RPS27: variants seen among roughly 807,000 people sequenced by gnomAD.
RPS27 encodes ribosomal protein S27, also known as small ribosomal subunit protein eS27.
In RPS27, 1 loss-of-function variant was observed where a neutral mutation model predicts 11.8. The observed-to-expected ratio is 0.08, with a 90% CI of 0.03 to 0.40. The LOEUF is 0.40. Among genes scored for constraint, RPS27 ranks in the 10% least tolerant of loss-of-function variants. RPS27 has a pLI of 0.98. For missense variants in RPS27, 44 were observed against 100.1 expected, an observed-to-expected ratio of 0.44 and a Z score of 2.39; for synonymous variants, 42 against 33.8, an observed-to-expected ratio of 1.24 and a Z score of -0.84.
chr1:153,991,056 T>C lies in RPS27; in HGVS notation c.7-59T>C, dbSNP rs1649367260. On this transcript the variant is annotated intron_variant, in intron 1 of 3. Transcript: ENST00000651669. ...CCCGGTGTGTGACAGTGGGGGCTAT[T>C]TTCGACCATCCCATTTTCGCTGTTG... 2.2e-5 allele frequency: 31 copies of C among 1,385,378 alleles called. 2 individuals carry two copies. In the South Asian group the frequency reaches 4.0e-4, roughly 18 times the overall value. 85.8% of individuals were successfully genotyped at this position (1,385,378 alleles called of 1,614,324 possible).
chr1:153,991,820 T>A, intron 3 of RPS27, 144 bp downstream of exon 3: 1 of 674,498 alleles, frequency 1.5e-6, no homozygotes, highest in Non-Finnish European at 2.6e-6. Context: ...TTGGTTGTTT[T>A]AACTAGATAC....
Position 153,991,377 on chromosome 1 carries a change from T to C in RPS27, c.115+154T>C, listed in dbSNP as rs997980053. On this transcript the variant is annotated intron_variant, in intron 2 of 3. Coordinates refer to ENST00000651669, the MANE Select transcript of RPS27 (RefSeq NM_001030.6). ...TTCCCTGATACTCTTAAAATTTGAA[T>C]GTATGAGACTGGCAAAGTTTTGCAT... is the stretch of plus-strand genomic sequence containing the variant. The C allele has an allele frequency of 1.1e-5, 17 of 1,502,086 alleles. No homozygotes were observed. The Middle Eastern group carries it at 9.3e-4, about 82-fold the overall frequency. The allele number at this position is 1,502,086 out of a possible 1,614,324, so 93.0% of individuals were successfully genotyped here. A position where few individuals can be genotyped will look rare whatever the true frequency, so the allele number is the denominator to read the frequency against.
chr1:153,991,793 G>C (rs1649425444), intron 3 of RPS27, 117 bp downstream of exon 3: 1 of 719,562 alleles, frequency 1.4e-6, no homozygotes, highest in African/African-American at 1.8e-5. Context: ...TAAATTTTTA[G>C]ACAAGAAGTG....
At position 153,990,779 on chromosome 1, in the gene RPS27, A is replaced by G. The variant is rs1649348677; in HGVS notation, c.-18A>G. On this transcript the variant is annotated 5_prime_UTR_variant, in exon 1 of 4. Coordinates refer to ENST00000651669, the MANE Select transcript of RPS27 (RefSeq NM_001030.6). Reference sequence around the variant, plus strand: ...CTTTCGCTCCTTTCCGGCGGTGACGACCTACGCACACGAGAACATGCCTGT... The same window carrying G: ...CTTTCGCTCCTTTCCGGCGGTGACGGCCTACGCACACGAGAACATGCCTGT... 2 of 1,614,144 alleles carry G rather than the reference A, an allele frequency of 1.2e-6. No individual in the cohort carries two copies. Among genetic ancestry groups the G allele is most frequent in the Non-Finnish European group, 1.7e-6 (2 of 1,180,018 alleles).
chr1:153,990,766 T>G lies in RPS27; in HGVS notation c.-31T>G. The G allele has an allele frequency of 6.2e-7, 1 of 1,614,206 alleles. No homozygotes were observed. The highest frequency in any genetic ancestry group is 8.5e-7 in the Non-Finnish European group (1 of 1,180,030). On this transcript the variant is annotated 5_prime_UTR_variant, in exon 1 of 4. Coordinates refer to ENST00000651669, the MANE Select transcript of RPS27 (RefSeq NM_001030.6). ...GGCAGGATTTCCGCTTTCGCTCCTT[T>G]CCGGCGGTGACGACCTACGCACACG...
At chr1:153,991,927 A>G (rs1649432806) in intron 3 of RPS27, 138 bp from the exon 4 acceptor site, 2 of 828,686 alleles carry the variant, frequency 2.4e-6, no homozygotes, top group Non-Finnish European at 4.1e-6. Context: ...AACCAGTGAT[A>G]CAAATGCGCA....
rs549729601 is a variant in RPS27 at position 153,991,059 on chromosome 1, C to A, written c.7-56C>A. 7.0e-5 allele frequency: 97 copies of A among 1,390,260 alleles called. No homozygotes were observed. In the African/African-American group the frequency reaches 1.4e-3, roughly 19 times the overall value. 86.1% of individuals were successfully genotyped at this position (1,390,260 alleles called of 1,614,324 possible). A position where few individuals can be genotyped will look rare whatever the true frequency, so the allele number is the denominator to read the frequency against. On this transcript the variant is annotated intron_variant, in intron 1 of 3. Transcript: ENST00000651669. ...GGTGTGTGACAGTGGGGGCTATTTT[C>A]GACCATCCCATTTTCGCTGTTGGTT... is the stretch of plus-strand genomic sequence containing the variant.
At chr1:153,990,990 C>A in intron 1 of RPS27, 125 bp from the exon 2 acceptor site, 1 of 1,169,984 alleles carries the variant, frequency 8.5e-7, no homozygotes, top group South Asian at 1.4e-5. Context: ...AGATGGCGGC[C>A]CAGCTGCGCA....
At chr1:153,991,036 T>C (rs1649366603) in intron 1 of RPS27, 79 bp from the exon 2 acceptor site, 1 of 1,237,670 alleles carries the variant, frequency 8.1e-7, no homozygotes, top group African/African-American at 1.5e-5. Context: ...CTCTCCCCGG[T>C]GTGTGACAGT....
Position 153,991,609 on chromosome 1 carries a change from A to G in RPS27, c.159A>G (p.Val53=), listed in dbSNP as rs1571135812. ...ITTVFSHAQT[V]VLCVGCSTVL... ...CGGTCTTTAGCCATGCACAAACGGT[A>G]GTTTTGTGTGTTGGCTGCTCCACTG... is the stretch of plus-strand genomic sequence containing the variant. The change falls in exon 3 of 4, where the codon GTA becomes GTG. Residue 53 remains valine, a synonymous_variant. Coordinates refer to ENST00000651669, the MANE Select transcript of RPS27 (RefSeq NM_001030.6). 6.2e-7 allele frequency: 1 copy of G among 1,613,306 alleles called. No individual in the cohort carries two copies. Among genetic ancestry groups the G allele is most frequent in the East Asian group, 2.2e-5 (1 of 44,874 alleles).
Position 153,990,813 on chromosome 1 carries a change from T to C in RPS27, c.6+11T>C. 1 of 1,614,206 alleles carries C rather than the reference T, an allele frequency of 6.2e-7. No homozygotes were observed. Among genetic ancestry groups the C allele is most frequent in the Non-Finnish European group, 8.5e-7 (1 of 1,180,044 alleles). ...CACGAGAACATGCCTGTGAGTGCTTTGGTCCAGGTTTCGGCGGAGATCTCG... is the reference window on the plus strand; with the variant it reads ...CACGAGAACATGCCTGTGAGTGCTTCGGTCCAGGTTTCGGCGGAGATCTCG... On this transcript the variant is annotated intron_variant, in intron 1 of 3. Coordinates refer to ENST00000651669, the MANE Select transcript of RPS27 (RefSeq NM_001030.6).
Position 153,990,974 on chromosome 1 carries a change from G to GAGATA in RPS27, c.7-136_7-132dup, listed in dbSNP as rs1649363595. ...CACCCGCATAGACGGGAGCGGAGAG[G>GAGATA]AGATAAGATGGCGGCCCAGCTGCGC... On this transcript the variant is annotated intron_variant, in intron 1 of 3. Coordinates refer to ENST00000651669, the MANE Select transcript of RPS27 (RefSeq NM_001030.6). 2.5e-6 allele frequency: 3 copies of GAGATA among 1,194,488 alleles called. No homozygotes were observed. In the Admixed American group the frequency reaches 6.2e-5, roughly 25 times the overall value. The allele number at this position is 1,194,488 out of a possible 1,614,324, so 74.0% of individuals were successfully genotyped here.
chr1:153,991,286 G>A (rs768594865), intron 2 of RPS27, 63 bp downstream of exon 2: 14 of 1,558,026 alleles, frequency 9.0e-6, no homozygotes, highest in Non-Finnish European at 1.2e-5. Context: ...AAATGTTGTA[G>A]TGTTAGCTGT....
chr1:153,990,888 C>G, intron 1 of RPS27, 86 bp downstream of exon 1: 1 of 1,529,840 alleles, frequency 6.5e-7, no homozygotes, highest in Non-Finnish European at 9.1e-7. Context: ...CGTAGAGGGT[C>G]CTCATTTACC....
intron 1 of RPS27, 154 bp from the exon 2 acceptor site, chr1:153,990,961 C>G (rs1419695519): frequency 1.6e-6 from 2 of 1,251,698 alleles, no homozygotes. Flanking sequence ...CCCGCATAGA[C>G]GGGAGCGGAG....
chr1:153,991,278 ATGT>A (rs758949865), intron 2 of RPS27, 55 bp downstream of exon 2: 27 of 1,562,488 alleles, frequency 1.7e-5, no homozygotes, highest in East Asian at 2.4e-5. Context: ...CAGTTGGAAA[ATGT>A]TGTAGTGTTA....
At chr1:153,992,034 G>T in intron 3 of RPS27, 31 bp from the exon 4 acceptor site, 1 of 1,608,782 alleles carries the variant, frequency 6.2e-7, no homozygotes, top group South Asian at 1.1e-5. Flanking sequence ...CTGTACTGAT[G>T]ACAGCTAATC....
rs372117365 is a variant in RPS27, at chr1:153,990,859, C to T, written c.6+57C>T. ...TCTCGCTGTTCTGTCCGAACTCTCC[C>T]CTCACGCTGATTTCGGATCGTAGAG... is the stretch of plus-strand genomic sequence containing the variant. On this transcript the variant is annotated intron_variant, in intron 1 of 3. Coordinates refer to ENST00000651669, the MANE Select transcript of RPS27 (RefSeq NM_001030.6). The T allele has an allele frequency of 1.1e-5, 17 of 1,610,046 alleles. No individual in the cohort carries two copies. In the African/African-American group the frequency reaches 2.3e-4, roughly 21 times the overall value.
chr1:153,991,544 A>G, intron 2 of RPS27, 22 bp from the exon 3 acceptor site: 1 of 1,583,122 alleles, frequency 6.3e-7, no homozygotes, highest in Non-Finnish European at 8.7e-7. Context: ...GAGGAAAAAA[A>G]TGTTATCTGC....
Sources: allele counts gnomAD v4.1 joint callset, GRCh38; gene constraint gnomAD v4.1.1; transcripts MANE v1.5; gene names NCBI Gene and HGNC (gene_info 2026-07-23, HGNC 2026-07-21).